PDE4D: variants seen among roughly 807,000 people sequenced by gnomAD.
PDE4D encodes the protein 3',5'-cyclic-AMP phosphodiesterase 4D.
A neutral mutation model predicts 87.4 loss-of-function variants in PDE4D; 24 were observed. The ratio of observed to expected loss-of-function variants is 0.27; its 90% CI spans 0.20 to 0.39. The LOEUF is 0.39. Among genes scored for constraint, PDE4D ranks in the 10% least tolerant of loss-of-function variants. The pLI, the probability that PDE4D is intolerant of heterozygous loss-of-function variation, is 1.00. For synonymous variants in PDE4D, 384 were observed against 383.2 expected (o/e 1.00, Z -0.02); for missense variants, 714 against 1,041.0 (o/e 0.69, Z 4.32).
chr5:59,545,265 GAGA>G (rs1817072302), intron 1 of PDE4D, among the ~76,000 whole-genome samples: 1 of 152,266 alleles, frequency 6.6e-6, no homozygotes, highest in African/African-American at 2.4e-5. Context: ...TCAGAAATGT[GAGA>G]AGTAGATGCA....
intron 2 of PDE4D, among the ~76,000 whole-genome samples, chr5:60,154,868 A>G (rs1781824909): frequency 6.6e-6 from 1 of 152,198 alleles, no homozygotes; most frequent in Non-Finnish European, 1.5e-5. Context: ...CCTTATGTTG[A>G]GAGATTAATT....
intron 3 of PDE4D, among the ~76,000 whole-genome samples, chr5:59,942,871 C>G: frequency 6.7e-6 from 1 of 148,996 alleles, no homozygotes; most frequent in South Asian, 2.2e-4. Flanking sequence ...GGGTGGGCAT[C>G]TTTCCAGGAG....
chr5:60,346,882 G>A (rs746092505), intron 1 of PDE4D, among the ~76,000 whole-genome samples: 31 of 152,036 alleles, frequency 2.0e-4, no homozygotes, highest in Non-Finnish European at 3.5e-4. Flanking sequence ...ATGATATTCT[G>A]CCAACTTTGG....
chr5:60,210,754 A>AT (rs36007402), intron 1 of PDE4D, among the ~76,000 whole-genome samples: 69,653 of 145,850 alleles, frequency 0.48, 16,628 homozygotes, highest in African/African-American at 0.54. Context: ...GGGTTTCCTA[A>AT]TTTTTTTTTT....
chr5:59,552,180 T>C (rs368633838), intron 1 of PDE4D, among the ~76,000 whole-genome samples: 3 of 152,294 alleles, frequency 2.0e-5, no homozygotes, highest in African/African-American at 7.2e-5. Context: ...GATTGTGCCA[T>C]TGTACTCCAG....
chr5:59,826,711 A>C (rs981722165), intron 1 of PDE4D, among the ~76,000 whole-genome samples: 1 of 152,168 alleles, frequency 6.6e-6, no homozygotes, highest in Non-Finnish European at 1.5e-5. Context: ...CACAGCAGTC[A>C]ATTCCAAGCA....
chr5:59,145,683 A>G (rs1023311204), intron 5 of PDE4D, among the ~76,000 whole-genome samples: 1 of 152,166 alleles, frequency 6.6e-6, no homozygotes, highest in African/African-American at 2.4e-5. Flanking sequence ...TACTATATCT[A>G]ATATTATCGA....
At chr5:59,254,434 C>G (rs1760566162) in intron 1 of PDE4D, among the ~76,000 whole-genome samples, 1 of 151,790 alleles carries the variant, frequency 6.6e-6, no homozygotes, top group Non-Finnish European at 1.5e-5. Flanking sequence ...GATAGAAAAG[C>G]AGTCATTAAT....
chr5:59,098,216 T>C (rs1216073720), intron 5 of PDE4D, among the ~76,000 whole-genome samples: 1 of 152,182 alleles, frequency 6.6e-6, no homozygotes, highest in Non-Finnish European at 1.5e-5. Flanking sequence ...TGGTAAATTG[T>C]GTTGAAACTC....
intron 1 of PDE4D, among the ~76,000 whole-genome samples, chr5:60,437,180 C>T (rs1744828812): frequency 1.3e-5 from 2 of 152,022 alleles, no homozygotes; most frequent in Admixed American, 6.6e-5. Flanking sequence ...CAAACTGTTG[C>T]TTGGCTCTTT....
At chr5:59,029,365 C>T (rs1284408790) in intron 6 of PDE4D, among the ~76,000 whole-genome samples, 5 of 133,120 alleles carry the variant, frequency 3.8e-5, no homozygotes, top group African/African-American at 8.6e-5. Context: ...TGCAGTAAGC[C>T]GAGATCGCGC....
chr5:59,037,083 A>G (rs1758655142), intron 6 of PDE4D, among the ~76,000 whole-genome samples: 1 of 152,196 alleles, frequency 6.6e-6, no homozygotes, highest in African/African-American at 2.4e-5. Flanking sequence ...TGACCTAAAA[A>G]ATTTTTAAAT....
At chr5:59,750,945 CAAAAAAA>C (rs34787047) in intron 1 of PDE4D, among the ~76,000 whole-genome samples, 2 of 68,762 alleles carry the variant, frequency 2.9e-5, no homozygotes, top group Non-Finnish European at 5.7e-5. Context: ...GACCCTGTCT[CAAAAAAA>C]AAAAAAAAAA....
intron 1 of PDE4D, among the ~76,000 whole-genome samples, chr5:60,446,718 G>T (rs1447469383): frequency 1.3e-5 from 2 of 152,096 alleles, no homozygotes; most frequent in African/African-American, 4.8e-5. Flanking sequence ...GTTAATAAGA[G>T]AATTCAGATG....
chr5:59,234,692 C>G (rs1202112178), intron 1 of PDE4D, among the ~76,000 whole-genome samples: 1 of 152,074 alleles, frequency 6.6e-6, no homozygotes, highest in Non-Finnish European at 1.5e-5. Context: ...AAAATATATG[C>G]TGTAAAATAA....
At chr5:60,253,968 T>C (rs1267899274) in intron 1 of PDE4D, among the ~76,000 whole-genome samples, 2 of 151,956 alleles carry the variant, frequency 1.3e-5, no homozygotes, top group East Asian at 3.9e-4. Flanking sequence ...TATTATACTT[T>C]AAGAAAGTTT....
chr5:59,214,043 C>T (rs796432427), intron 2 of PDE4D, among the ~76,000 whole-genome samples: 1 of 141,396 alleles, frequency 7.1e-6, no homozygotes, highest in Admixed American at 6.8e-5. Flanking sequence ...CACACACACA[C>T]ACACACACAC....
chr5:60,027,647 A>G (rs1370369842), intron 2 of PDE4D, among the ~76,000 whole-genome samples: 2 of 152,206 alleles, frequency 1.3e-5, no homozygotes, highest in Non-Finnish European at 2.9e-5. Flanking sequence ...AGGCTTTGCC[A>G]GTTTCAGTCA....
At chr5:59,199,597 A>G (rs1307196899) in intron 2 of PDE4D, among the ~76,000 whole-genome samples, 1 of 152,164 alleles carries the variant, frequency 6.6e-6, no homozygotes, top group Admixed American at 6.5e-5. Context: ...CCTAAAAACT[A>G]TCATCCATCT....
Sources: allele counts gnomAD v4.1 joint callset (sites outside exome capture counted in the v4.1 genomes callset), GRCh38; gene constraint gnomAD v4.1.1; transcripts MANE v1.5; gene names NCBI Gene and HGNC (gene_info 2026-07-23, HGNC 2026-07-21).